Variants in GRIA1 observed in about 807,000 individuals in gnomAD.
GRIA1 encodes the protein glutamate receptor 1.
Under a neutral mutation model 99.2 loss-of-function variants are expected in GRIA1, and 31 were observed. That is an observed-to-expected ratio of 0.31 (90% CI 0.23 to 0.42). The LOEUF is 0.42. GRIA1 is among the 10% of genes least tolerant of loss of function. The pLI, the probability that GRIA1 is intolerant of heterozygous loss-of-function variation, is 1.00. For missense variants in GRIA1, 782 were observed against 1,157.5 expected, an observed-to-expected ratio of 0.68 and a Z score of 4.71; for synonymous variants, 438 against 432.4, an observed-to-expected ratio of 1.01 and a Z score of -0.16.
intron 2 of GRIA1, among the ~76,000 whole-genome samples, chr5:153,519,091 C>T (rs538513139): frequency 5.3e-4 from 80 of 152,100 alleles, no homozygotes; most frequent in Non-Finnish European, 9.9e-4. Context: ...CGTGAAACCC[C>T]GTCTCTACCA....
chr5:153,590,602 A>G (rs1284270486), intron 2 of GRIA1, among the ~76,000 whole-genome samples: 26 of 151,654 alleles, frequency 1.7e-4, no homozygotes, highest in Admixed American at 1.7e-3. Context: ...TTTTTCCTAC[A>G]GGACTACTTC....
intron 2 of GRIA1, among the ~76,000 whole-genome samples, chr5:153,546,958 C>G (rs376047516): frequency 6.6e-6 from 1 of 152,130 alleles, no homozygotes; most frequent in African/African-American, 2.4e-5. Context: ...CCATGTTATC[C>G]CTAGCACTTA....
At chr5:153,500,387 T>A (rs1754881553) in intron 2 of GRIA1, among the ~76,000 whole-genome samples, 1 of 151,626 alleles carries the variant, frequency 6.6e-6, no homozygotes, top group Non-Finnish European at 1.5e-5. Flanking sequence ...ACAGAATTTT[T>A]TCCCACTGAA....
intron 2 of GRIA1, among the ~76,000 whole-genome samples, chr5:153,576,667 A>G (rs1377430805): frequency 6.6e-6 from 1 of 152,224 alleles, no homozygotes; most frequent in Non-Finnish European, 1.5e-5. Flanking sequence ...TCTCCAGATA[A>G]TTCCCCAAAT....
chr5:153,756,393 T>G (rs888663041), intron 11 of GRIA1, among the ~76,000 whole-genome samples: 1 of 152,216 alleles, frequency 6.6e-6, no homozygotes, highest in Admixed American at 6.5e-5. Flanking sequence ...GGGCCCAGTC[T>G]TGGCTTTAGT....
chr5:153,614,110 G>T (rs971751668), intron 2 of GRIA1, among the ~76,000 whole-genome samples: 3 of 151,930 alleles, frequency 2.0e-5, no homozygotes, highest in Admixed American at 6.6e-5. Context: ...TATTCTTTAG[G>T]TCTCAGCTCA....
intron 3 of GRIA1, among the ~76,000 whole-genome samples, chr5:153,648,838 A>ACC (rs35300119): frequency 0.022 from 3,326 of 147,866 alleles, 127 homozygotes; most frequent in African/African-American, 0.076. Flanking sequence ...TAATAATGAC[A>ACC]CCCCCCCCCA....
intron 2 of GRIA1, among the ~76,000 whole-genome samples, chr5:153,556,506 C>T (rs1010281507): frequency 1.3e-5 from 2 of 152,084 alleles, no homozygotes; most frequent in Non-Finnish European, 2.9e-5. Context: ...TAGTTTGGAT[C>T]CCCTGAACCC....
chr5:153,535,492 G>C (rs747824862), intron 2 of GRIA1, among the ~76,000 whole-genome samples: 2 of 152,192 alleles, frequency 1.3e-5, no homozygotes, highest in African/African-American at 4.8e-5. Context: ...CTTGGGATTT[G>C]TGAACAACAT....
At chr5:153,532,171 C>T (rs1266760922) in intron 2 of GRIA1, among the ~76,000 whole-genome samples, 4 of 151,974 alleles carry the variant, frequency 2.6e-5, no homozygotes, top group Non-Finnish European at 5.9e-5. Context: ...ATGTTTTTTC[C>T]TCCAGCAAAA....
Position 153,709,142 on chromosome 5 carries a change from T to C in GRIA1, c.1823+3075T>C, listed in dbSNP as rs551165736. 2.0e-5 allele frequency among the ~76,000 whole-genome samples: 3 copies of C among 152,328 alleles called. No individual in the cohort carries two copies. The South Asian group carries it at 6.2e-4, about 32-fold the overall frequency. ...CAATGAAAAACATCAGTAGAAACTT[T>C]TGTTGTCATTGTTGTTTATATATTT... On this transcript the variant is annotated intron_variant, in intron 11 of 15. Transcript: ENST00000285900.
At chr5:153,517,063 A>G (rs1170027871) in intron 2 of GRIA1, among the ~76,000 whole-genome samples, 1 of 152,160 alleles carries the variant, frequency 6.6e-6, no homozygotes, top group Non-Finnish European at 1.5e-5. Context: ...CTGCAATCAG[A>G]ATCACTTATT....
chr5:153,794,523 C>A, intron 13 of GRIA1, 98 bp from the exon 14 acceptor site: 1 of 803,388 alleles, frequency 1.2e-6, no homozygotes, highest in Non-Finnish European at 2.2e-6. Flanking sequence ...ACCTGGCAGG[C>A]TGGGTAATGG....
chr5:153,755,112 A>G (rs911144296), intron 11 of GRIA1, among the ~76,000 whole-genome samples: 1 of 152,216 alleles, frequency 6.6e-6, no homozygotes, highest in African/African-American at 2.4e-5. Flanking sequence ...TACAGCAAGT[A>G]TGTTGCTGGG....
intron 11 of GRIA1, among the ~76,000 whole-genome samples, chr5:153,724,095 C>T (rs1345275362): frequency 2.0e-5 from 3 of 152,274 alleles, no homozygotes; most frequent in Middle Eastern, 3.4e-3. Context: ...CACGAAAATC[C>T]GCGGTTCTGC....
chr5:153,713,299 G>A (rs1237683902), intron 11 of GRIA1, among the ~76,000 whole-genome samples: 1 of 152,208 alleles, frequency 6.6e-6, no homozygotes, highest in Non-Finnish European at 1.5e-5. Flanking sequence ...ATTTCACCTT[G>A]ACAGTTTTTT....
At chr5:153,802,263 T>A in intron 14 of GRIA1, 93 bp from the exon 15 acceptor site, 2 of 1,017,368 alleles carry the variant, frequency 2.0e-6, no homozygotes, top group Non-Finnish European at 3.1e-6. Flanking sequence ...GTTGTGTGTA[T>A]GTGTGAAAAT....
intron 10 of GRIA1, among the ~76,000 whole-genome samples, chr5:153,703,113 G>A (rs1345086558): frequency 6.6e-6 from 1 of 152,112 alleles, no homozygotes; most frequent in Non-Finnish European, 1.5e-5. Flanking sequence ...AAATACTACT[G>A]CTTTTCACAA....
chr5:153,794,788 G>A, intron 14 of GRIA1, 53 bp downstream of exon 14: 1 of 1,043,446 alleles, frequency 9.6e-7, no homozygotes, highest in Non-Finnish European at 1.5e-6. Context: ...TAGCATGGCT[G>A]GTAACCAGCA....
Sources: gnomAD v4.1 joint callset for allele counts (sites outside exome capture counted in the v4.1 genomes callset) on GRCh38, gnomAD v4.1.1 for gene constraint, MANE v1.5 for transcripts, NCBI Gene and HGNC (gene_info 2026-07-23, HGNC 2026-07-21) for gene names.